Variants in DNAH5 observed in about 807,000 individuals in gnomAD.
The protein encoded by DNAH5 is axonemal beta dynein heavy chain 5.
Under a neutral mutation model 518.2 loss-of-function variants are expected in DNAH5, and 372 were observed. The observed-to-expected ratio is 0.72, with a 90% CI of 0.66 to 0.78. DNAH5 has a LOEUF of 0.78. Among genes scored for constraint, DNAH5 ranks in the 30% least tolerant of loss-of-function variants. DNAH5 has a pLI of 0.00. For missense variants in DNAH5, 5,523 were observed against 5,687.0 expected, an observed-to-expected ratio of 0.97 and a Z score of 0.93; for synonymous variants, 2,039 against 2,025.9, an observed-to-expected ratio of 1.01 and a Z score of -0.17.
intron 1 of DNAH5, among the ~76,000 whole-genome samples, chr5:13,987,939 T>G (rs1313500136): frequency 6.6e-6 from 1 of 151,004 alleles, no homozygotes; most frequent in Non-Finnish European, 1.5e-5. Context: ...AAAATGAACA[T>G]AGAGTCAAAA....
chr5:13,856,581 C>A (rs767957536), intron 30 of DNAH5, among the ~76,000 whole-genome samples: 8 of 152,126 alleles, frequency 5.3e-5, no homozygotes, highest in Non-Finnish European at 8.8e-5. Context: ...AAATTTAGGC[C>A]AATATCTCTT....
rs1048148703 is a variant in DNAH5, at chr5:13,841,775, G to A, written c.5401C>T (p.His1801Tyr). The change falls in exon 33 of 79, where the codon CAT (histidine) becomes TAT (tyrosine). Residue 1801 changes from histidine to tyrosine, a missense_variant. Physicochemically the swap from His to Tyr is moderately conservative, Grantham distance 83. Transcript: ENST00000265104. ...GCGGCTGCCTGGCGAATCACAAGAT[G>A]CAATGAGGACTGAGATTCTTCCAAA... The part of the protein sequence containing the change: ...SLLEESQSSL[H>Y]LVIRQAAANI... 4 of 1,613,920 alleles carry A rather than the reference G, an allele frequency of 2.5e-6. No homozygotes were observed. The highest frequency in any genetic ancestry group is 3.4e-6 in the Non-Finnish European group (4 of 1,179,828).
intron 35 of DNAH5, among the ~76,000 whole-genome samples, chr5:13,833,351 A>C (rs2151843657): frequency 6.6e-6 from 1 of 151,094 alleles, no homozygotes; most frequent in South Asian, 2.1e-4. Flanking sequence ...AGGCAGGAGA[A>C]CCACTTGAAC....
chr5:13,926,048 C>T (rs902877402), intron 3 of DNAH5, among the ~76,000 whole-genome samples: 2 of 152,174 alleles, frequency 1.3e-5, no homozygotes, highest in African/African-American at 4.8e-5. Context: ...AATCTAAGCA[C>T]AGTGCTCAAT....
intron 1 of DNAH5, among the ~76,000 whole-genome samples, chr5:13,993,132 T>A (rs910473079): frequency 6.6e-6 from 1 of 152,230 alleles, no homozygotes; most frequent in Non-Finnish European, 1.5e-5. Flanking sequence ...TCCACTTTTT[T>A]CCTTAGCGAT....
intron 35 of DNAH5, among the ~76,000 whole-genome samples, chr5:13,833,635 G>C (rs889423421): frequency 6.6e-6 from 1 of 152,036 alleles, no homozygotes; most frequent in Non-Finnish European, 1.5e-5. Context: ...CAGCTGCTAG[G>C]GGCAGAGCTG....
intron 12 of DNAH5, among the ~76,000 whole-genome samples, chr5:13,903,668 C>G (rs978924682): frequency 6.6e-6 from 1 of 151,914 alleles, no homozygotes; most frequent in African/African-American, 2.4e-5. Context: ...GCAAATACCT[C>G]GTGGAGAACA....
In DNAH5 at chr5:13,891,212, A is replaced by C. The variant is rs907674560; in HGVS notation, c.2432-91T>G. 20 of 1,361,352 alleles carry C rather than the reference A, an allele frequency of 1.5e-5. No individual in the cohort carries two copies. The African/African-American group carries it at 2.6e-4, about 18-fold the overall frequency. 84.3% of individuals were successfully genotyped at this position (1,361,352 alleles called of 1,614,324 possible). A position where few individuals can be genotyped will look rare whatever the true frequency, so the allele number is the denominator to read the frequency against. On this transcript the variant is annotated intron_variant, in intron 16 of 78. Coordinates refer to ENST00000265104, the MANE Select transcript of DNAH5 (RefSeq NM_001369.3). ...ACACTTGATTAAATGACAGTAGTAAAATCAGCTTTAAAGATTCTCAGTTAC... is the reference window on the plus strand; with the variant it reads ...ACACTTGATTAAATGACAGTAGTAACATCAGCTTTAAAGATTCTCAGTTAC...
At position 13,777,324 on chromosome 5, in the gene DNAH5, G is replaced by A; in HGVS notation, c.8983C>T (p.Leu2995=). 1 of 1,613,292 alleles carries A rather than the reference G, an allele frequency of 6.2e-7. No homozygotes were observed. The highest frequency in any genetic ancestry group is 8.5e-7 in the Non-Finnish European group (1 of 1,179,578). Residue 2995 remains leucine, a synonymous_variant, in exon 54 of 79, where the codon CTG becomes TTG. Transcript: ENST00000265104. ...SYNTSNLMED[L]KVLYRTAGQQ... is the part of the protein sequence containing the mutation. ...CCAGCTGTTCGATACAAAACCTTCA[G>A]ATCTTCCATCAGATTTGATGTGTTG...
At position 13,827,183 on chromosome 5, in the gene DNAH5, G is replaced by A. The variant is rs371579291; in HGVS notation, c.6444+2327C>T. On this transcript the variant is annotated intron_variant, in intron 38 of 78. Coordinates refer to ENST00000265104, the MANE Select transcript of DNAH5 (RefSeq NM_001369.3). ...GCGGCAAAGCTTTCAAGAGGAAGCAGAGCATAAAAGTTTTGAAACTTTGTG... is the reference window on the plus strand; with the variant it reads ...GCGGCAAAGCTTTCAAGAGGAAGCAAAGCATAAAAGTTTTGAAACTTTGTG... Among the ~76,000 whole-genome samples the A allele has an allele frequency of 1.2e-3, 186 of 152,266 alleles. 2 individuals carry two copies. The highest frequency in any genetic ancestry group is 4.2e-3 in the African/African-American group (175 of 41,568).
intron 60 of DNAH5, 23 bp from the exon 61 acceptor site, chr5:13,759,006 G>A: frequency 3.7e-6 from 6 of 1,613,894 alleles, no homozygotes; most frequent in Non-Finnish European, 5.1e-6. Context: ...CACACAGAGT[G>A]AAGAGATGGG....
At chr5:13,798,520 A>G (rs1299567673) in intron 47 of DNAH5, among the ~76,000 whole-genome samples, 2 of 152,190 alleles carry the variant, frequency 1.3e-5, no homozygotes, top group African/African-American at 2.4e-5. Flanking sequence ...TACAGAAGAA[A>G]GTGGAGGTAT....
intron 1 of DNAH5, among the ~76,000 whole-genome samples, chr5:13,972,003 T>G (rs980212819): frequency 8.6e-5 from 13 of 152,044 alleles, no homozygotes; most frequent in African/African-American, 3.1e-4. Context: ...CTGTGGCTGC[T>G]GTGGAGGATG....
chr5:13,840,812 C>T, intron 34 of DNAH5, 94 bp downstream of exon 34: 1 of 1,049,498 alleles, frequency 9.5e-7, no homozygotes, highest in Admixed American at 2.1e-5. Context: ...TAATTTTTTC[C>T]TTGAATTCAA....
intron 3 of DNAH5, among the ~76,000 whole-genome samples, chr5:13,925,252 T>C (rs1777749523): frequency 6.6e-6 from 1 of 152,056 alleles, no homozygotes; most frequent in South Asian, 2.1e-4. Context: ...CAACGCATGA[T>C]AGACATCAGA....
chr5:13,738,953 G>T (rs1391600961), intron 65 of DNAH5, among the ~76,000 whole-genome samples: 3 of 152,130 alleles, frequency 2.0e-5, no homozygotes, highest in African/African-American at 7.2e-5. Flanking sequence ...GTTTAACTGC[G>T]TTTATAATGT....
At chr5:13,796,080 C>T (rs1561282500) in intron 47 of DNAH5, among the ~76,000 whole-genome samples, 1 of 152,122 alleles carries the variant, frequency 6.6e-6, no homozygotes, top group Non-Finnish European at 1.5e-5. Context: ...ATGACAAACC[C>T]ACAGCCAATA....
chr5:13,729,530 G>A lies in DNAH5; in HGVS notation c.11792C>T (p.Pro3931Leu). 6.2e-7 allele frequency: 1 copy of A among 1,613,778 alleles called. No homozygotes were observed. Residue 3931 changes from proline (P) to leucine (L), a missense_variant, in exon 69 of 79, where the codon CCT becomes CTT. By Grantham distance (98) the Pro-to-Leu change is moderately conservative. This residue lies in a region of DNAH5 where 5,121 missense variants were observed against 5,223.3 expected (regional missense o/e 0.98). Coordinates refer to ENST00000265104, the MANE Select transcript of DNAH5 (RefSeq NM_001369.3). ...CAGGATCCATTTTGATGGTTTTGGA[G>A]GACAAGCTTTAAGGTCTAATGAGGC... The part of the protein sequence containing the change: ...GGASLDLKAC[P>L]PKPSKWILDI...
intron 1 of DNAH5, among the ~76,000 whole-genome samples, chr5:13,954,364 A>T (rs912559493): frequency 6.6e-6 from 1 of 152,204 alleles, no homozygotes; most frequent in Non-Finnish European, 1.5e-5. Flanking sequence ...GTGCTATACC[A>T]AGCTCATGAG....
Sources: allele counts gnomAD v4.1 joint callset (sites outside exome capture counted in the v4.1 genomes callset), GRCh38; gene constraint gnomAD v4.1.1; regional missense constraint gnomAD v4.1.1; transcripts MANE v1.5; gene names NCBI Gene and HGNC (gene_info 2026-07-23, HGNC 2026-07-21).